ZNF469: variants seen among roughly 807,000 people sequenced by gnomAD.
ZNF469 encodes zinc finger protein 469.
In ZNF469, 1 loss-of-function variant was observed where a neutral mutation model predicts 1.0. The observed-to-expected ratio is 1.00, with a 90% CI of 0.35 to 4.73. ZNF469 has a LOEUF of 4.73. Among genes scored for constraint, ZNF469 ranks in the 30% most tolerant of loss-of-function variants. ZNF469 has a pLI of 0.16. For missense variants in ZNF469, 6,100 were observed against 5,356.3 expected (o/e 1.14, Z -4.33); for synonymous variants, 2,703 against 2,363.4 (o/e 1.14, Z -4.17).
chr16:88,111,023 G>A, the ZNF469 span, among the ~76,000 whole-genome samples: 1 of 152,262 alleles, frequency 6.6e-6, no homozygotes, highest in Admixed American at 6.5e-5. Flanking sequence ...CACTCGTGGC[G>A]CTTGCAGTCA....
rs779982960 is a variant in ZNF469, at chr16:88,438,121, C to A, written c.10651C>A (p.Pro3551Thr). The A allele has an allele frequency of 6.5e-7, 1 of 1,550,350 alleles. No individual in the cohort carries two copies. The highest frequency in any genetic ancestry group is 1.2e-5 in the South Asian group (1 of 84,064). Residue 3551 changes from proline to threonine, a missense_variant, in exon 3 of 3, where the codon CCC becomes ACC. Pro to Thr is a conservative substitution (Grantham distance 38). Transcript: ENST00000565624. ...GCTGCCATCCAACCACCAGGAGTGTCCCCCGCCGTCTCTGTCTCCCTTCCC... is the reference window on the plus strand; with the variant it reads ...GCTGCCATCCAACCACCAGGAGTGTACCCCGCCGTCTCTGTCTCCCTTCCC... Reference protein sequence around the residue: ...CELPSNHQECPPPSLSPFPAA... With the variant: ...CELPSNHQECTPPSLSPFPAA...
the ZNF469 span, among the ~76,000 whole-genome samples, chr16:88,131,832 A>G: frequency 6.6e-6 from 1 of 151,994 alleles, no homozygotes; most frequent in African/African-American, 2.4e-5. Context: ...CTTTGGGGTC[A>G]GCTCTGTGAC....
chr16:88,354,929 G>T, the ZNF469 span, among the ~76,000 whole-genome samples: 1 of 152,330 alleles, frequency 6.6e-6, no homozygotes, highest in South Asian at 2.1e-4. Context: ...AGGGTCTCCA[G>T]TGGGGGCAGG....
chr16:88,273,401 T>C, the ZNF469 span, among the ~76,000 whole-genome samples: 3 of 151,810 alleles, frequency 2.0e-5, no homozygotes, highest in Non-Finnish European at 4.4e-5. Flanking sequence ...AGACGCACAA[T>C]ATCACTAATC....
the ZNF469 span, among the ~76,000 whole-genome samples, chr16:88,127,240 G>T: frequency 0.023 from 3,449 of 152,100 alleles, 139 homozygotes; most frequent in African/African-American, 0.08. Context: ...CGCGTCACAG[G>T]CCTCATAACA....
At position 88,440,696 on chromosome 16, in the gene ZNF469, C is replaced by T. The variant is rs1359534512; in HGVS notation, c.*1364C>T. 1 of 152,184 alleles carries T rather than the reference C, an allele frequency of 6.6e-6. No homozygotes were observed. The highest frequency in any genetic ancestry group is 1.5e-5 in the Non-Finnish European group (1 of 68,024). 9.4% of individuals were successfully genotyped at this position (152,184 alleles called of 1,614,324 possible). A position where few individuals can be genotyped will look rare whatever the true frequency, so the allele number is the denominator to read the frequency against. ...AGTGCGGAGGGGCCCTGAGGTTGTA[C>T]TGTAAACATCATAGTGACTTGTCTT... On this transcript the variant is annotated 3_prime_UTR_variant, in exon 3 of 3. Transcript: ENST00000565624.
chr16:88,373,911 C>T, the ZNF469 span, among the ~76,000 whole-genome samples: 154 of 152,040 alleles, frequency 1.0e-3, 1 homozygote, highest in African/African-American at 3.2e-3. Context: ...GCAGGATAAT[C>T]GCTTGAACCC....
the ZNF469 span, among the ~76,000 whole-genome samples, chr16:88,331,307 TATC>T: frequency 7.8e-6 from 1 of 128,186 alleles, no homozygotes; most frequent in Non-Finnish European, 1.6e-5. Context: ...TCACCATCAT[TATC>T]ATCATTGTTA....
At chr16:88,340,926 G>A in the ZNF469 span, among the ~76,000 whole-genome samples, 1 of 152,228 alleles carries the variant, frequency 6.6e-6, no homozygotes, top group South Asian at 2.1e-4. Context: ...CTCGCAGAGA[G>A]CCCTGGGGGT....
At chr16:88,265,336 G>C in the ZNF469 span, among the ~76,000 whole-genome samples, 26 of 152,296 alleles carry the variant, frequency 1.7e-4, no homozygotes, top group Admixed American at 1.6e-3. Flanking sequence ...CCCTCAGGAG[G>C]TTCCCCTAGC....
the ZNF469 span, among the ~76,000 whole-genome samples, chr16:88,202,925 C>T: frequency 6.6e-5 from 10 of 152,118 alleles, no homozygotes; most frequent in Admixed American, 1.3e-4. Flanking sequence ...GGCCCTGAGC[C>T]GGGTGCCGCA....
chr16:88,226,904 C>A, the ZNF469 span, among the ~76,000 whole-genome samples: 1 of 152,180 alleles, frequency 6.6e-6, no homozygotes, highest in African/African-American at 2.4e-5. Context: ...CGTTTAAATT[C>A]CAGCCCCCTG....
chr16:88,294,054 T>C, the ZNF469 span, among the ~76,000 whole-genome samples: 7 of 152,214 alleles, frequency 4.6e-5, no homozygotes, highest in East Asian at 1.2e-3. Context: ...GAGCCCCCAG[T>C]GCCTCAAGAG....
At chr16:88,353,204 G>A in the ZNF469 span, among the ~76,000 whole-genome samples, 6 of 152,156 alleles carry the variant, frequency 3.9e-5, no homozygotes, top group Non-Finnish European at 2.9e-5. Context: ...TGCAGAGAGA[G>A]CGCTCCCAGG....
At chr16:88,156,117 T>C in the ZNF469 span, among the ~76,000 whole-genome samples, 1 of 152,216 alleles carries the variant, frequency 6.6e-6, no homozygotes, top group Non-Finnish European at 1.5e-5. Context: ...ATTATTGAGT[T>C]GTAGAGGTGC....
chr16:88,351,761 G>T, the ZNF469 span, among the ~76,000 whole-genome samples: 1 of 152,038 alleles, frequency 6.6e-6, no homozygotes, highest in Admixed American at 6.5e-5. Context: ...GGGGTTGTGC[G>T]GGGCTCCAGG....
chr16:88,355,127 C>G, the ZNF469 span, among the ~76,000 whole-genome samples: 1 of 152,154 alleles, frequency 6.6e-6, no homozygotes, highest in Non-Finnish European at 1.5e-5. Flanking sequence ...ACACTGGGCA[C>G]CTGCCCAGCT....
At chr16:88,185,724 G>GCA in the ZNF469 span, among the ~76,000 whole-genome samples, 6 of 128,544 alleles carry the variant, frequency 4.7e-5, no homozygotes, top group Non-Finnish European at 7.9e-5. Context: ...TATAGTACAT[G>GCA]CATACACACG....
In ZNF469 at chr16:88,429,323, C is replaced by G; in HGVS notation, c.1853C>G (p.Pro618Arg). 6.5e-7 allele frequency: 1 copy of G among 1,549,980 alleles called. No individual in the cohort carries two copies. The highest frequency in any genetic ancestry group is 8.7e-7 in the Non-Finnish European group (1 of 1,146,866). The change falls in exon 3 of 3, where the codon CCC becomes CGC. Residue 618 changes from proline to arginine, a missense_variant. Transcript: ENST00000565624. ...CCGATGTCCAGCAGCCCAGCCAACCCCAGCTCAGAGGAAAGCCAGCTCCCC... is the reference window on the plus strand; with the variant it reads ...CCGATGTCCAGCAGCCCAGCCAACCGCAGCTCAGAGGAAAGCCAGCTCCCC... ...LSPMSSSPAN[P>R]SSEESQLPGP...
Sources: gnomAD v4.1 joint callset for allele counts (sites outside exome capture counted in the v4.1 genomes callset) on GRCh38, gnomAD v4.1.1 for gene constraint, MANE v1.5 for transcripts, NCBI Gene and HGNC (gene_info 2026-07-23, HGNC 2026-07-21) for gene names.